The following SYT1 variants were observed in gnomAD, a reference collection of about 807,000 sequenced individuals.
SYT1 encodes synaptotagmin 1.
A neutral mutation model predicts 44.8 loss-of-function variants in SYT1; 8 were observed. The ratio of observed to expected loss-of-function variants is 0.18; its 90% CI spans 0.10 to 0.32. The LOEUF is 0.32. Ranked by LOEUF, SYT1 falls within the 10% of genes least tolerant of loss-of-function variation. The pLI, the probability that SYT1 is intolerant of heterozygous loss-of-function variation, is 1.00. For synonymous variants in SYT1, 154 were observed against 188.8 expected, an observed-to-expected ratio of 0.82 and a Z score of 1.51; for missense variants, 286 against 509.3, an observed-to-expected ratio of 0.56 and a Z score of 4.22.
At chr12:78,876,841 A>AGT (rs1874146966) in intron 1 of SYT1, among the ~76,000 whole-genome samples, 1 of 27,442 alleles carries the variant, frequency 3.6e-5, no homozygotes, top group Non-Finnish European at 5.6e-5. Flanking sequence ...TATTATATAT[A>AGT]ATATATATTA....
chr12:78,893,143 A>G (rs758500914), intron 1 of SYT1, among the ~76,000 whole-genome samples: 2 of 151,810 alleles, frequency 1.3e-5, no homozygotes, highest in Non-Finnish European at 1.5e-5. Context: ...ATGAAAACCA[A>G]TTCCTGGGAA....
intron 9 of SYT1, among the ~76,000 whole-genome samples, chr12:79,381,127 G>C (rs1884203702): frequency 1.3e-5 from 2 of 152,136 alleles, no homozygotes. Context: ...GGATTTAGTA[G>C]TTTTTATTCC....
intron 8 of SYT1, among the ~76,000 whole-genome samples, chr12:79,338,483 G>A (rs1489886856): frequency 6.6e-6 from 1 of 151,542 alleles, no homozygotes; most frequent in African/African-American, 2.4e-5. Context: ...TTGTTGCCCA[G>A]GCTGGTCTTG....
rs545077614 is a variant in SYT1 at position 79,313,941 on chromosome 12, G to A, written c.810+14390G>A. Among the ~76,000 whole-genome samples, 92 of 151,696 alleles carry A rather than the reference G, an allele frequency of 6.1e-4. 2 individuals carry two copies. The highest frequency in any genetic ancestry group is 8.4e-4 in the Non-Finnish European group (57 of 67,948). The stretch of plus-strand genomic sequence containing the variant: ...TTCCAGCACTTTGGGAGGCCGAGGC[G>A]GGCGGATCACGAGGTCAGGAGATCG... On this transcript the variant is annotated intron_variant, in intron 8 of 10. Coordinates refer to ENST00000261205, the MANE Select transcript of SYT1 (RefSeq NM_005639.3).
At chr12:79,037,720 T>C (rs535297848) in intron 2 of SYT1, among the ~76,000 whole-genome samples, 78 of 151,970 alleles carry the variant, frequency 5.1e-4, no homozygotes, top group African/African-American at 1.9e-3. Context: ...TTACCTTCCA[T>C]ACTGTTCCTA....
chr12:78,998,915 G>T (rs1182176491), intron 2 of SYT1, among the ~76,000 whole-genome samples: 1 of 152,124 alleles, frequency 6.6e-6, no homozygotes, highest in Admixed American at 6.5e-5. Context: ...TCAATATCTT[G>T]AGTTTCCGTA....
At chr12:79,015,974 G>A (rs927567424) in intron 2 of SYT1, among the ~76,000 whole-genome samples, 1 of 152,094 alleles carries the variant, frequency 6.6e-6, no homozygotes, top group Non-Finnish European at 1.5e-5. Context: ...GAGCCATGGT[G>A]CCTCCCTTCC....
At chr12:79,341,043 C>A (rs1364620856) in intron 8 of SYT1, among the ~76,000 whole-genome samples, 1 of 152,096 alleles carries the variant, frequency 6.6e-6, no homozygotes, top group Non-Finnish European at 1.5e-5. Flanking sequence ...CTTCTTAGGG[C>A]AAAGACATGT....
chr12:79,031,942 T>C (rs1172208928), intron 2 of SYT1, among the ~76,000 whole-genome samples: 2 of 151,160 alleles, frequency 1.3e-5, no homozygotes, highest in East Asian at 3.9e-4. Flanking sequence ...ATGTTATTAA[T>C]CTAAATAAAT....
intron 8 of SYT1, among the ~76,000 whole-genome samples, chr12:79,343,872 A>G (rs967231213): frequency 6.6e-6 from 1 of 152,228 alleles, no homozygotes; most frequent in African/African-American, 2.4e-5. Flanking sequence ...CAATGAAGAT[A>G]ACTAAAGAAG....
At chr12:79,353,382 C>T in intron 8 of SYT1, 120 bp from the exon 9 acceptor site, 2 of 756,452 alleles carry the variant, frequency 2.6e-6, no homozygotes, top group South Asian at 3.5e-5. Flanking sequence ...GCCAATGGAC[C>T]TACAATTTTC....
chr12:79,338,093 T>C (rs548686202), intron 8 of SYT1, among the ~76,000 whole-genome samples: 1 of 152,300 alleles, frequency 6.6e-6, no homozygotes, highest in South Asian at 2.1e-4. Flanking sequence ...TTCTTTCCAC[T>C]TCGCATGTCC....
intron 5 of SYT1, among the ~76,000 whole-genome samples, chr12:79,287,215 G>A (rs1224908699): frequency 2.6e-5 from 4 of 152,156 alleles, no homozygotes; most frequent in African/African-American, 9.7e-5. Context: ...GCTATGGAAT[G>A]GATGAAATGC....
intron 9 of SYT1, among the ~76,000 whole-genome samples, chr12:79,364,357 G>T (rs961416278): frequency 5.9e-5 from 9 of 151,902 alleles, no homozygotes; most frequent in African/African-American, 2.2e-4. Context: ...CATTTTCAAG[G>T]GAAAAAGTAA....
chr12:79,100,627 C>G (rs1878394471), intron 3 of SYT1, among the ~76,000 whole-genome samples: 1 of 152,068 alleles, frequency 6.6e-6, no homozygotes, highest in South Asian at 2.1e-4. Context: ...CAGTAATTTA[C>G]TGTGTTTTCT....
intron 4 of SYT1, among the ~76,000 whole-genome samples, chr12:79,235,576 G>T (rs1876139715): frequency 6.7e-6 from 1 of 149,932 alleles, no homozygotes; most frequent in African/African-American, 2.4e-5. Context: ...GCTAGTCACA[G>T]AATGGGAGAG....
At chr12:79,208,184 A>C (rs947231691) in intron 3 of SYT1, among the ~76,000 whole-genome samples, 1 of 152,148 alleles carries the variant, frequency 6.6e-6, no homozygotes, top group Non-Finnish European at 1.5e-5. Flanking sequence ...ATTATCTAAC[A>C]ATGTCAAGAA....
intron 3 of SYT1, among the ~76,000 whole-genome samples, chr12:79,184,154 G>C (rs1008715906): frequency 6.6e-6 from 1 of 152,044 alleles, no homozygotes; most frequent in African/African-American, 2.4e-5. Context: ...AGTGAGTCAT[G>C]TAAATCATTA....
chr12:78,917,923 T>A (rs1056392288), intron 1 of SYT1, among the ~76,000 whole-genome samples: 2 of 152,110 alleles, frequency 1.3e-5, no homozygotes, highest in African/African-American at 2.4e-5. Context: ...GAGATTTTTA[T>A]GTCTTTGGTA....
Sources: gnomAD v4.1 joint callset for allele counts (sites outside exome capture counted in the v4.1 genomes callset) on GRCh38, gnomAD v4.1.1 for gene constraint, MANE v1.5 for transcripts, NCBI Gene and HGNC (gene_info 2026-07-23, HGNC 2026-07-21) for gene names.